Variants in RAB27A observed in about 807,000 individuals in gnomAD.
RAB27A encodes the protein RAB27A, member RAS oncogene family.
In RAB27A, 17 loss-of-function variants were observed where a neutral mutation model predicts 20.8. The ratio of observed to expected loss-of-function variants is 0.82; its 90% CI spans 0.56 to 1.23. The LOEUF (loss-of-function observed/expected upper bound fraction) is 1.23, where lower values mean the gene tolerates loss of function less well. RAB27A is among the 50% of genes most tolerant of loss of function. The pLI, the probability that RAB27A is intolerant of heterozygous loss-of-function variation, is 0.00. For synonymous variants in RAB27A, 85 were observed against 92.8 expected (o/e 0.92, Z 0.48); for missense variants, 277 against 266.7 (o/e 1.04, Z -0.27).
chr15:55,299,952 C>A (rs1386306994), intron 2 of RAB27A, among the ~76,000 whole-genome samples: 1 of 151,714 alleles, frequency 6.6e-6, no homozygotes, highest in Non-Finnish European at 1.5e-5. Context: ...TCCCAAGCAG[C>A]TGGGACTACA....
chr15:55,250,326 A>C (rs1215907969), intron 2 of RAB27A, among the ~76,000 whole-genome samples: 1 of 152,144 alleles, frequency 6.6e-6, no homozygotes, highest in Non-Finnish European at 1.5e-5. Flanking sequence ...TAAGTTACAT[A>C]CCAAATTTAG....
chr15:55,208,762 C>T (rs1894775342), intron 6 of RAB27A, among the ~76,000 whole-genome samples: 1 of 152,220 alleles, frequency 6.6e-6, no homozygotes, highest in Non-Finnish European at 1.5e-5. Context: ...CCATCACTGG[C>T]TTAAACCAAT....
At position 55,205,020 on chromosome 15, in the gene RAB27A, T is replaced by C. The variant is rs573956101; in HGVS notation, c.*487A>G. On this transcript the variant is annotated 3_prime_UTR_variant, in exon 7 of 7. Coordinates refer to ENST00000336787, the MANE Select transcript of RAB27A (RefSeq NM_183235.3). ...AAGACATTGAGCTGATGTGCATGTA[T>C]ATTCTTATTTAACATTTAAGTGGCT... 5.0e-6 allele frequency: 1 copy of C among 201,650 alleles called. No homozygotes were observed. The highest frequency in any genetic ancestry group is 5.3e-5 in the Admixed American group (1 of 18,786). 12.5% of individuals were successfully genotyped at this position (201,650 alleles called of 1,614,324 possible).
chr15:55,277,580 C>A (rs1194770301), intron 1 of RAB27A, among the ~76,000 whole-genome samples: 8 of 152,178 alleles, frequency 5.3e-5, no homozygotes, highest in Admixed American at 4.6e-4. Flanking sequence ...AATCAGTGTG[C>A]CTTCCTGGGA....
At chr15:55,306,974 T>C (rs772942127) in intron 2 of RAB27A, among the ~76,000 whole-genome samples, 6 of 152,162 alleles carry the variant, frequency 3.9e-5, no homozygotes, top group Non-Finnish European at 5.9e-5. Flanking sequence ...GCTAGCGTTG[T>C]CTCCTGGATT....
rs1313700582 is a variant in RAB27A at position 55,203,966 on chromosome 15, C to G, written c.*1541G>C. The stretch of plus-strand genomic sequence containing the variant: ...AAAATAAATTTAGGGGGTACAAGTA[C>G]AGTTTAGATACATGAATATATTGTG... On this transcript the variant is annotated 3_prime_UTR_variant, in exon 7 of 7. Transcript: ENST00000336787. The G allele has an allele frequency of 2.0e-5, 3 of 152,002 alleles. No homozygotes were observed. The East Asian group carries it at 5.8e-4, about 29-fold the overall frequency. 9.4% of individuals were successfully genotyped at this position (152,002 alleles called of 1,614,324 possible).
At chr15:55,312,385 A>G (rs1174933327) in intron 2 of RAB27A, among the ~76,000 whole-genome samples, 1 of 152,200 alleles carries the variant, frequency 6.6e-6, no homozygotes, top group Non-Finnish European at 1.5e-5. Flanking sequence ...CCCTGAACAT[A>G]TATTTTCAAT....
At chr15:55,299,862 C>T (rs2054964461) in intron 2 of RAB27A, among the ~76,000 whole-genome samples, 1 of 150,734 alleles carries the variant, frequency 6.6e-6, no homozygotes, top group South Asian at 2.1e-4. Flanking sequence ...ACTCTGTCAC[C>T]CAGGCTGGAG....
intron 2 of RAB27A, among the ~76,000 whole-genome samples, chr15:55,235,284 C>A (rs1417278888): frequency 1.3e-5 from 2 of 151,920 alleles, no homozygotes; most frequent in South Asian, 4.1e-4. Context: ...CCCATCTCTA[C>A]TGAAAATACA....
At chr15:55,316,694 C>A (rs1477565246) in intron 1 of RAB27A, among the ~76,000 whole-genome samples, 1 of 152,138 alleles carries the variant, frequency 6.6e-6, no homozygotes, top group Admixed American at 6.5e-5. Context: ...ATAATAGCTT[C>A]ATAATAAATT....
chr15:55,225,660 A>G (rs535771430), intron 5 of RAB27A, among the ~76,000 whole-genome samples: 133 of 152,344 alleles, frequency 8.7e-4, no homozygotes, highest in Non-Finnish European at 1.6e-3. Context: ...ATTATGGTTA[A>G]CAGTATTTAT....
intron 3 of RAB27A, among the ~76,000 whole-genome samples, 172 bp from the exon 4 acceptor site, chr15:55,230,658 T>C (rs1388550098): frequency 6.6e-6 from 1 of 152,150 alleles, no homozygotes; most frequent in African/African-American, 2.4e-5. Context: ...GGTAATGTAA[T>C]AAGTTATATT....
chr15:55,257,189 T>C (rs1566924015), intron 2 of RAB27A, among the ~76,000 whole-genome samples: 1 of 152,020 alleles, frequency 6.6e-6, no homozygotes, highest in East Asian at 1.9e-4. Flanking sequence ...GTGGGTGGTA[T>C]CAGATTTTTG....
intron 1 of RAB27A, among the ~76,000 whole-genome samples, chr15:55,271,742 G>A (rs952788727): frequency 6.6e-6 from 1 of 152,058 alleles, no homozygotes; most frequent in Non-Finnish European, 1.5e-5. Flanking sequence ...GTGAAATGTC[G>A]GACATAGAAC....
chr15:55,264,785 C>T (rs1367284292), intron 2 of RAB27A, among the ~76,000 whole-genome samples: 2 of 152,140 alleles, frequency 1.3e-5, no homozygotes, highest in Non-Finnish European at 1.5e-5. Flanking sequence ...GACTGAAATT[C>T]ATTCAGTCAT....
chr15:55,241,703 G>A (rs1896500203), intron 2 of RAB27A, among the ~76,000 whole-genome samples: 1 of 149,162 alleles, frequency 6.7e-6, no homozygotes, highest in South Asian at 2.1e-4. Flanking sequence ...AGCTACTTGG[G>A]AGGCTGAGGC....
At chr15:55,251,625 C>T (rs955651316) in intron 2 of RAB27A, among the ~76,000 whole-genome samples, 1 of 151,978 alleles carries the variant, frequency 6.6e-6, no homozygotes, top group African/African-American at 2.4e-5. Flanking sequence ...TTGAAGAACA[C>T]AATGAAATGT....
At chr15:55,221,653 C>A (rs569729660) in intron 6 of RAB27A, among the ~76,000 whole-genome samples, 1 of 152,150 alleles carries the variant, frequency 6.6e-6, no homozygotes, top group Non-Finnish European at 1.5e-5. Context: ...TCCCAGAATG[C>A]CCTTTCTGGT....
intron 2 of RAB27A, among the ~76,000 whole-genome samples, chr15:55,303,667 T>G (rs1177240750): frequency 7.8e-5 from 6 of 77,062 alleles, no homozygotes; most frequent in Non-Finnish European, 1.0e-4. Flanking sequence ...GTGGGGGGGG[T>G]CAGCCCCCCT....
Sources: gnomAD v4.1 joint callset for allele counts (sites outside exome capture counted in the v4.1 genomes callset) on GRCh38, gnomAD v4.1.1 for gene constraint, MANE v1.5 for transcripts, NCBI Gene and HGNC (gene_info 2026-07-23, HGNC 2026-07-21) for gene names.